The following ARHGEF10 variants were observed in gnomAD, a reference collection of about 807,000 sequenced individuals.
ARHGEF10 encodes the protein Rho guanine nucleotide exchange factor (GEF) 10.
ARHGEF10 carries 140 observed loss-of-function variants against 147.4 expected under a neutral mutation model. The observed-to-expected ratio is 0.95, with a 90% CI of 0.83 to 1.09. The LOEUF (loss-of-function observed/expected upper bound fraction) is 1.09, where lower values mean the gene tolerates loss of function less well. Among genes scored for constraint, ARHGEF10 ranks in the 50% least tolerant of loss-of-function variants. ARHGEF10 has a pLI of 0.00. For synonymous variants in ARHGEF10, 902 were observed against 695.8 expected (o/e 1.30, Z -4.67); for missense variants, 2,222 against 1,752.7 (o/e 1.27, Z -4.78).
In ARHGEF10 at chr8:1,920,753, T is replaced by C. The variant is rs145589977; in HGVS notation, c.2144-2211T>C. Among the ~76,000 whole-genome samples the C allele has an allele frequency of 7.3e-3, 1,112 of 152,108 alleles. 10 individuals are homozygous for C. The highest frequency in any genetic ancestry group is 9.4e-3 in the Non-Finnish European group (642 of 67,978). On this transcript the variant is annotated intron_variant, in intron 18 of 28. Coordinates refer to ENST00000349830, the MANE Select transcript of ARHGEF10 (RefSeq NM_014629.4). ...TGTAAGGATAAATAAAGTTGCGATG[T>C]GTAACTACTGGATCAGTTTGCTCTT...
chr8:1,888,160 TTGCGAGGAGACAGTGAGTGG>T (rs1808894699), intron 11 of ARHGEF10, among the ~76,000 whole-genome samples: 1 of 77,042 alleles, frequency 1.3e-5, no homozygotes, highest in African/African-American at 6.2e-5. Context: ...GGGGCGAGGG[TTGCGAGGAGACAGTGAGTGG>T]GGTGAGGGTT....
At chr8:1,933,040 A>G (rs1433237662) in intron 25 of ARHGEF10, among the ~76,000 whole-genome samples, 2 of 152,240 alleles carry the variant, frequency 1.3e-5, no homozygotes, top group Non-Finnish European at 2.9e-5. Context: ...TTTTATTGGT[A>G]TTCAAGGTAG....
At chr8:1,870,464 C>G (rs1395963887) in intron 7 of ARHGEF10, 1 of 151,930 alleles carries the variant, frequency 6.6e-6, no homozygotes, top group African/African-American at 2.4e-5. Context: ...ATCCTATTGC[C>G]AGTAAAAGAA....
At chr8:1,928,819 G>A (rs1812888700) in intron 24 of ARHGEF10, among the ~76,000 whole-genome samples, 169 bp downstream of exon 24, 1 of 152,166 alleles carries the variant, frequency 6.6e-6, no homozygotes, top group African/African-American at 2.4e-5. Context: ...GAAATAACTA[G>A]TGAATTGGGC....
intron 2 of ARHGEF10, among the ~76,000 whole-genome samples, chr8:1,851,091 T>C (rs1331823718): frequency 1.3e-5 from 2 of 152,116 alleles, no homozygotes; most frequent in Non-Finnish European, 2.9e-5. Context: ...AATTCCTTGA[T>C]AATGGTGCAT....
intron 27 of ARHGEF10, among the ~76,000 whole-genome samples, chr8:1,952,239 G>A (rs1032922394): frequency 5.9e-5 from 9 of 152,222 alleles, no homozygotes; most frequent in Non-Finnish European, 1.3e-4. Context: ...AACTGCGGCT[G>A]AGGGCCGGTT....
chr8:1,857,592 T>C (rs1281919648), intron 2 of ARHGEF10, among the ~76,000 whole-genome samples: 1 of 151,828 alleles, frequency 6.6e-6, no homozygotes, highest in South Asian at 2.1e-4. Flanking sequence ...GCTAATTTTT[T>C]TATTTTTAGT....
intron 2 of ARHGEF10, among the ~76,000 whole-genome samples, chr8:1,844,088 C>T (rs1010773935): frequency 3.9e-5 from 6 of 152,208 alleles, no homozygotes; most frequent in Non-Finnish European, 7.3e-5. Context: ...CCTCCCGGGG[C>T]CTGCCGGACC....
Position 1,958,468 on chromosome 8 carries a change from C to G in ARHGEF10, c.*1205C>G, listed in dbSNP as rs1225586995. 1 of 152,182 alleles carries G rather than the reference C, an allele frequency of 6.6e-6. No individual in the cohort carries two copies. Among genetic ancestry groups the G allele is most frequent in the African/African-American group, 2.4e-5 (1 of 41,442 alleles). 9.4% of individuals were successfully genotyped at this position (152,182 alleles called of 1,614,324 possible). On this transcript the variant is annotated 3_prime_UTR_variant, in exon 29 of 29. Coordinates refer to ENST00000349830, the MANE Select transcript of ARHGEF10 (RefSeq NM_014629.4). ...AAAAAATCCTAACACAGGCAGGCAC[C>G]AGAAATAAATGTCTCAGCACTTTAC...
chr8:1,942,430 G>T (rs893198123), intron 26 of ARHGEF10, among the ~76,000 whole-genome samples: 7 of 151,776 alleles, frequency 4.6e-5, no homozygotes, highest in Admixed American at 4.6e-4. Flanking sequence ...CACTAGGATG[G>T]CAGGAATAAT....
rs751056745 is a variant in ARHGEF10 at position 1,905,664 on chromosome 8, C to T, written c.1915C>T (p.Arg639Cys). ...DRGEIVKTKERRVFMLNDVLM... is the reference protein window; with the variant it reads ...DRGEIVKTKECRVFMLNDVLM... ...AGGAGAGATTGTTAAAACCAAAGAA[C>T]GCCGAGTCTTCATGTTAAATGATGT... is the stretch of plus-strand genomic sequence containing the variant. Residue 639 changes from arginine to cysteine, a missense_variant, in exon 17 of 29, where the codon CGC becomes TGC. Coordinates refer to ENST00000349830, the MANE Select transcript of ARHGEF10 (RefSeq NM_014629.4). 6.2e-6 allele frequency: 10 copies of T among 1,614,068 alleles called. No homozygotes were observed. The highest frequency in any genetic ancestry group is 4.5e-5 in the East Asian group (2 of 44,906).
intron 2 of ARHGEF10, among the ~76,000 whole-genome samples, chr8:1,844,465 T>TCACCGGGGCCTGGTGGACGACA (rs1329433075): frequency 4.4e-4 from 67 of 151,402 alleles, no homozygotes; most frequent in African/African-American, 5.1e-4. Flanking sequence ...AATCCAGGGG[T>TCACCGGGGCCTGGTGGACGACA]GAGCAGTGGC....
intron 17 of ARHGEF10, among the ~76,000 whole-genome samples, chr8:1,907,639 G>C (rs971586998): frequency 6.6e-6 from 1 of 152,186 alleles, no homozygotes; most frequent in Non-Finnish European, 1.5e-5. Context: ...GTACTTTAAA[G>C]ATGAATTAAA....
At chr8:1,950,730 G>GTTTTTTTTT (rs71211528) in intron 27 of ARHGEF10, among the ~76,000 whole-genome samples, 29 of 108,460 alleles carry the variant, frequency 2.7e-4, no homozygotes, top group African/African-American at 5.8e-4. Flanking sequence ...TGTTTTTTAG[G>GTTTTTTTTT]TTTTTTTTTT....
chr8:1,903,377 A>G lies in ARHGEF10; in HGVS notation c.1747A>G (p.Arg583Gly), dbSNP rs769290586. The G allele has an allele frequency of 3.1e-6, 5 of 1,614,088 alleles. No homozygotes were observed. Among genetic ancestry groups the G allele is most frequent in the Non-Finnish European group, 4.2e-6 (5 of 1,180,054 alleles). ...LETLAEKLNERKRDADQRCEV... is the reference protein window; with the variant it reads ...LETLAEKLNEGKRDADQRCEV... ...AACACTAGCAGAGAAGTTAAATGAA[A>G]GAAAGAGAGATGCTGATCAACGCTG... Residue 583 changes from arginine to glycine, a missense_variant, in exon 16 of 29, where the codon AGA (arginine) becomes GGA (glycine). Arg to Gly is a moderately radical substitution (Grantham distance 125, BLOSUM62 -2). Coordinates refer to ENST00000349830, the MANE Select transcript of ARHGEF10 (RefSeq NM_014629.4).
At chr8:1,939,065 G>T (rs1346142357) in intron 26 of ARHGEF10, among the ~76,000 whole-genome samples, 2 of 151,678 alleles carry the variant, frequency 1.3e-5, no homozygotes, top group South Asian at 4.2e-4. Flanking sequence ...CCTGAACACT[G>T]TGGAATCTCA....
At chr8:1,839,677 A>G (rs1281695477) in intron 1 of ARHGEF10, among the ~76,000 whole-genome samples, 4 of 89,832 alleles carry the variant, frequency 4.5e-5, no homozygotes, top group East Asian at 4.2e-4. Flanking sequence ...TGGTGTGGAA[A>G]CTGGTGTGGG....
intron 5 of ARHGEF10, among the ~76,000 whole-genome samples, chr8:1,865,622 C>T (rs1039750281): frequency 1.2e-4 from 19 of 152,260 alleles, no homozygotes; most frequent in African/African-American, 4.6e-4. Context: ...CACGGGCTCT[C>T]TTCCCTCATC....
Position 1,858,054 on chromosome 8 carries a change from A to C in ARHGEF10, c.132A>C (p.Arg44Ser). The C allele has an allele frequency of 6.2e-7, 1 of 1,614,174 alleles. No individual in the cohort carries two copies. The highest frequency in any genetic ancestry group is 8.5e-7 in the Non-Finnish European group (1 of 1,180,032). The change falls in exon 3 of 29, where the codon AGA (arginine) becomes AGC (serine). Residue 44 changes from arginine (R) to serine (S), a missense_variant. Transcript: ENST00000349830. ...GAGATGAAATCCCAGAAGCGGACAG[A>C]CAGGCCCCATCCGCCCCTGAGACAG... ...DSGDEIPEAD[R>S]QAPSAPETGG...
Sources: gnomAD v4.1 joint callset for allele counts (sites outside exome capture counted in the v4.1 genomes callset) on GRCh38, gnomAD v4.1.1 for gene constraint, MANE v1.5 for transcripts, NCBI Gene and HGNC (gene_info 2026-07-23, HGNC 2026-07-21) for gene names.